TEKT5: variants seen among roughly 807,000 people sequenced by gnomAD.
The protein encoded by TEKT5 is tektin 5, also known as tektin-5.
A neutral mutation model predicts 48.7 loss-of-function variants in TEKT5; 52 were observed. That is an observed-to-expected ratio of 1.07 (90% CI 0.86 to 1.35). The LOEUF (loss-of-function observed/expected upper bound fraction) is 1.35. TEKT5 is among the 40% of genes most tolerant of loss of function. The probability of loss-of-function intolerance (pLI) is 0.00; values close to 1 mark genes in which losing one functional copy is unlikely to be tolerated. For missense variants in TEKT5, 831 were observed against 641.6 expected (o/e 1.30, Z -3.19); for synonymous variants, 318 against 267.6 (o/e 1.19, Z -1.84).
At chr16:10,654,000 GTGTGTGTGTGTGTGCA>G (rs773080910) in intron 5 of TEKT5, among the ~76,000 whole-genome samples, 2,511 of 147,556 alleles carry the variant, frequency 0.017, 31 homozygotes, top group South Asian at 0.041. Context: ...GTGTGTGAAC[GTGTGTGTGTGTGTGCA>G]TGTGTGTGTG....
At chr16:10,651,963 A>G (rs957083403) in intron 5 of TEKT5, among the ~76,000 whole-genome samples, 1 of 151,836 alleles carries the variant, frequency 6.6e-6, no homozygotes, top group Non-Finnish European at 1.5e-5. Flanking sequence ...CTCCATCTCA[A>G]AAAAATAAAA....
At chr16:10,652,913 G>GAC (rs372305153) in intron 5 of TEKT5, among the ~76,000 whole-genome samples, 78 of 135,306 alleles carry the variant, frequency 5.8e-4, no homozygotes, top group Non-Finnish European at 9.0e-4. Flanking sequence ...CACAGGCAGA[G>GAC]ACACACACAC....
intron 1 of TEKT5, 73 bp downstream of exon 1, chr16:10,694,237 G>C: frequency 5.5e-6 from 8 of 1,462,284 alleles, no homozygotes; most frequent in South Asian, 4.2e-5. Flanking sequence ...TTCATCTTCA[G>C]TCAAGGGAAG....
chr16:10,637,155 T>G (rs1365536019), intron 5 of TEKT5, among the ~76,000 whole-genome samples: 1 of 151,652 alleles, frequency 6.6e-6, no homozygotes, highest in Admixed American at 6.6e-5. Context: ...CTAATTTTTT[T>G]TTATATTTTT....
intron 5 of TEKT5, among the ~76,000 whole-genome samples, chr16:10,653,970 G>A (rs1267965293): frequency 3.3e-5 from 5 of 152,066 alleles, no homozygotes; most frequent in Admixed American, 6.6e-5. Context: ...GGTTACTGGG[G>A]GAACTAAGTA....
intron 5 of TEKT5, among the ~76,000 whole-genome samples, chr16:10,673,931 C>T (rs4606718): frequency 0.1 from 15,686 of 152,002 alleles, 834 homozygotes; most frequent in Non-Finnish European, 0.12. Context: ...GGATTACAGC[C>T]GTGAACCACC....
chr16:10,649,430 A>C (rs1008991396), intron 5 of TEKT5, among the ~76,000 whole-genome samples: 3 of 150,714 alleles, frequency 2.0e-5, no homozygotes, highest in African/African-American at 7.3e-5. Context: ...TTAAATTATT[A>C]TTTTTTTAAT....
At chr16:10,658,148 G>A (rs1437030507) in intron 5 of TEKT5, among the ~76,000 whole-genome samples, 1 of 152,162 alleles carries the variant, frequency 6.6e-6, no homozygotes, top group African/African-American at 2.4e-5. Context: ...CAGAGAAACT[G>A]GACCACTTAT....
In TEKT5 at chr16:10,672,582, C is replaced by T. The variant is rs564390203; in HGVS notation, c.1086+3377G>A. On this transcript the variant is annotated intron_variant, in intron 5 of 6. Coordinates refer to ENST00000283025, the MANE Select transcript of TEKT5 (RefSeq NM_144674.2). ...CTGCACTCCAGACTGGGTTACAGAGCGAGACTGTCTCAAAAAAACCACCTC... is the reference window on the plus strand; with the variant it reads ...CTGCACTCCAGACTGGGTTACAGAGTGAGACTGTCTCAAAAAAACCACCTC... 3.2e-3 allele frequency among the ~76,000 whole-genome samples: 483 copies of T among 152,146 alleles called. 3 individuals carry two copies. The highest frequency in any genetic ancestry group is 0.011 in the African/African-American group (447 of 41,520).
chr16:10,660,430 G>C (rs1023498468), intron 5 of TEKT5, among the ~76,000 whole-genome samples: 2 of 151,756 alleles, frequency 1.3e-5, no homozygotes, highest in Admixed American at 1.3e-4. Flanking sequence ...GGAGGTAAAA[G>C]GTCAGTCAGG....
intron 5 of TEKT5, among the ~76,000 whole-genome samples, chr16:10,661,232 A>C (rs960842414): frequency 5.3e-5 from 8 of 152,286 alleles, no homozygotes; most frequent in African/African-American, 1.9e-4. Context: ...CCCCTGTTAT[A>C]AACTATTCCA....
chr16:10,667,514 T>C (rs1382045708), intron 5 of TEKT5, among the ~76,000 whole-genome samples: 11 of 152,222 alleles, frequency 7.2e-5, no homozygotes, highest in Non-Finnish European at 1.5e-4. Context: ...CCTTTTTCTG[T>C]CTGTAAATAT....
chr16:10,664,737 G>C (rs1346693733), intron 5 of TEKT5, among the ~76,000 whole-genome samples: 1 of 152,172 alleles, frequency 6.6e-6, no homozygotes, highest in Non-Finnish European at 1.5e-5. Flanking sequence ...GATTCAGAAG[G>C]GTTAGTTACT....
At chr16:10,679,985 A>G (rs1179436704) in intron 4 of TEKT5, among the ~76,000 whole-genome samples, 1 of 152,274 alleles carries the variant, frequency 6.6e-6, no homozygotes, top group Non-Finnish European at 1.5e-5. Context: ...TGCTACAAAC[A>G]GCAGCTCTCT....
At chr16:10,691,580 A>G (rs1427589641) in intron 1 of TEKT5, among the ~76,000 whole-genome samples, 1 of 152,196 alleles carries the variant, frequency 6.6e-6, no homozygotes, top group Non-Finnish European at 1.5e-5. Flanking sequence ...GCCCTGGAAT[A>G]GAGGAAGCGA....
chr16:10,690,813 C>G, intron 1 of TEKT5: 1 of 982,412 alleles, frequency 1.0e-6, no homozygotes, highest in Non-Finnish European at 1.2e-6. Context: ...CCCGTGATGT[C>G]ACAAAGGGCC....
At chr16:10,658,186 C>G (rs985301997) in intron 5 of TEKT5, among the ~76,000 whole-genome samples, 2 of 152,134 alleles carry the variant, frequency 1.3e-5, no homozygotes, top group Admixed American at 1.3e-4. Context: ...CAATATTTGT[C>G]AACCTCTGAA....
chr16:10,629,660 G>A (rs1897808533), intron 6 of TEKT5, among the ~76,000 whole-genome samples: 1 of 152,212 alleles, frequency 6.6e-6, no homozygotes, highest in African/African-American at 2.4e-5. Flanking sequence ...ACGAGTGAGT[G>A]TTGGCTGCTA....
chr16:10,635,266 C>G (rs1306050075), intron 6 of TEKT5, among the ~76,000 whole-genome samples: 1 of 150,822 alleles, frequency 6.6e-6, no homozygotes, highest in Non-Finnish European at 1.5e-5. Context: ...AGACACCAGC[C>G]TCTTTAGCAC....
Sources: gnomAD v4.1 joint callset for allele counts (sites outside exome capture counted in the v4.1 genomes callset) on GRCh38, gnomAD v4.1.1 for gene constraint, MANE v1.5 for transcripts, NCBI Gene and HGNC (gene_info 2026-07-23, HGNC 2026-07-21) for gene names.